PCDHA4: variants seen among roughly 807,000 people sequenced by gnomAD.
PCDHA4 encodes protocadherin alpha 4.
In PCDHA4, 49 loss-of-function variants were observed where a neutral mutation model predicts 61.4. The ratio of observed to expected loss-of-function variants is 0.80; its 90% CI spans 0.63 to 1.01. The LOEUF (loss-of-function observed/expected upper bound fraction) is 1.01. Ranked by LOEUF, PCDHA4 falls within the 50% of genes least tolerant of loss-of-function variation. The probability of loss-of-function intolerance (pLI) is 0.00; values close to 1 mark genes in which losing one functional copy is unlikely to be tolerated. For synonymous variants in PCDHA4, 590 were observed against 550.3 expected, an observed-to-expected ratio of 1.07 and a Z score of -1.01; for missense variants, 1,254 against 1,235.8, an observed-to-expected ratio of 1.01 and a Z score of -0.22.
chr5:140,967,044 A>G, intron 1 of PCDHA4: 3 of 1,612,116 alleles, frequency 1.9e-6, no homozygotes, highest in Non-Finnish European at 2.5e-6. Context: ...CTGGAGCTGG[A>G]CCTGACGAGT....
At chr5:140,868,894 G>T in intron 1 of PCDHA4, 6 of 771,428 alleles carry the variant, frequency 7.8e-6, no homozygotes, top group Non-Finnish European at 1.2e-5. Flanking sequence ...TTAGGCGCAA[G>T]GTGTCGCTCT....
rs782153371 is a variant in PCDHA4, at chr5:140,807,406, CCTT to C, written c.222_224del (p.Leu75del). 30 of 1,545,960 alleles carry C rather than the reference CCTT, an allele frequency of 1.9e-5. 3 individuals are homozygous for C. In the Admixed American group the frequency reaches 2.8e-4, roughly 15 times the overall value. On this transcript the variant is annotated inframe_deletion, in exon 1 of 4. Transcript: ENST00000530339. ...GGGTGGCGTCCAAGGGCCGCGGAGG[CCTT>C]CTGGAGGTAAATCTGCAGAATGGCA...
At chr5:140,822,547 A>T (rs61730633) in intron 1 of PCDHA4, 2 of 1,613,680 alleles carry the variant, frequency 1.2e-6, no homozygotes, top group Non-Finnish European at 1.7e-6. Context: ...ACCAAGTGGG[A>T]CATTAGTTAT....
Position 141,009,659 on chromosome 5 carries a change from G to A in PCDHA4, c.2566G>A (p.Gly856Ser), listed in dbSNP as rs781996586. 3.0e-5 allele frequency: 48 copies of A among 1,613,808 alleles called. No individual in the cohort carries two copies. Among genetic ancestry groups the A allele is most frequent in the East Asian group, 4.5e-5 (2 of 44,878 alleles). The change falls in exon 4 of 4, where the codon GGT becomes AGT. Residue 856 changes from glycine (G) to serine (S), a missense_variant. Coordinates refer to ENST00000530339, the MANE Select transcript of PCDHA4 (RefSeq NM_018907.4). ...GGCAGGAGAAGTGTCCCCTCCAGTC[G>A]GTGCGGGTGTCAACAGCAACAGCTG... is the stretch of plus-strand genomic sequence containing the variant. ...PEAGEVSPPV[G>S]AGVNSNSWTF...
At chr5:140,869,288 G>C (rs950790626) in intron 1 of PCDHA4, 2 of 1,613,578 alleles carry the variant, frequency 1.2e-6, no homozygotes, top group South Asian at 1.1e-5. Flanking sequence ...CTGGTGCAGC[G>C]CCTGTTCCGG....
chr5:140,826,791 G>A (rs1434779274), intron 1 of PCDHA4, among the ~76,000 whole-genome samples: 2 of 152,138 alleles, frequency 1.3e-5, no homozygotes, highest in African/African-American at 4.8e-5. Flanking sequence ...CCTGCAAAAA[G>A]TTGATTACCT....
intron 1 of PCDHA4, chr5:140,928,999 G>C: frequency 1.2e-6 from 2 of 1,613,936 alleles, no homozygotes; most frequent in Non-Finnish European, 1.7e-6. Context: ...ACTTTTCTTC[G>C]TGTGTACCAA....
intron 1 of PCDHA4, chr5:140,841,240 A>C: frequency 6.7e-7 from 1 of 1,487,570 alleles, no homozygotes; most frequent in South Asian, 1.4e-5. Flanking sequence ...GATGCAGCGG[A>C]ATTGGATTAA....
chr5:140,823,053 G>T lies in PCDHA4; in HGVS notation c.2385+13481G>T, dbSNP rs150289473. ...CGGTCTATGAGCTGGTGGTGACCGCGCGGGACGGGGGCTCGCCTTCGCTGT... is the reference window on the plus strand; with the variant it reads ...CGGTCTATGAGCTGGTGGTGACCGCTCGGGACGGGGGCTCGCCTTCGCTGT... On this transcript the variant is annotated intron_variant, in intron 1 of 3. Coordinates refer to ENST00000530339, the MANE Select transcript of PCDHA4 (RefSeq NM_018907.4). 1.4e-5 allele frequency: 23 copies of T among 1,614,068 alleles called. No individual in the cohort carries two copies. The African/African-American group carries it at 2.9e-4, about 21-fold the overall frequency.
intron 1 of PCDHA4, among the ~76,000 whole-genome samples, chr5:140,909,861 A>C (rs782745985): frequency 6.6e-6 from 1 of 152,186 alleles, no homozygotes. Context: ...GGTCCCCTGG[A>C]GTCAACGTCA....
At chr5:140,850,239 C>T (rs1275916187) in intron 1 of PCDHA4, 1 of 1,594,010 alleles carries the variant, frequency 6.3e-7, no homozygotes, top group Admixed American at 1.7e-5. Context: ...CGAGATGGTG[C>T]TGCGGTCGGT....
intron 1 of PCDHA4, among the ~76,000 whole-genome samples, chr5:140,941,737 T>A (rs1221306435): frequency 3.9e-5 from 6 of 152,234 alleles, no homozygotes; most frequent in Admixed American, 2.0e-4. Context: ...TTCCCCATTA[T>A]CTTATCAGAT....
intron 1 of PCDHA4, among the ~76,000 whole-genome samples, chr5:140,920,225 G>A (rs80019196): frequency 2.9e-3 from 441 of 151,762 alleles, no homozygotes; most frequent in African/African-American, 0.01. Flanking sequence ...CACATTTATA[G>A]TATTATATAC....
chr5:140,870,413 C>T (rs200037363), intron 1 of PCDHA4: 2 of 1,614,242 alleles, frequency 1.2e-6, no homozygotes, highest in South Asian at 2.2e-5. Flanking sequence ...CTGTGGGCCA[C>T]GGCCAGGGTA....
Position 141,010,368 on chromosome 5 carries a change from C to G in PCDHA4, c.*431C>G, listed in dbSNP as rs368481822. 3,124 of 1,471,046 alleles carry G rather than the reference C, an allele frequency of 2.1e-3. 5 individuals are homozygous for G. Among genetic ancestry groups the G allele is most frequent in the Middle Eastern group, 8.7e-3 (36 of 4,144 alleles). The allele number at this position is 1,471,046 out of a possible 1,614,324, so 91.1% of individuals were successfully genotyped here. A position where few individuals can be genotyped will look rare whatever the true frequency, so the allele number is the denominator to read the frequency against. On this transcript the variant is annotated 3_prime_UTR_variant, in exon 4 of 4. Coordinates refer to ENST00000530339, the MANE Select transcript of PCDHA4 (RefSeq NM_018907.4). ...GGTATGTGTGGCTACCGCGGGTATG[C>G]GAGTGCCAGATATTGGCTGAGACGA...
intron 1 of PCDHA4, among the ~76,000 whole-genome samples, chr5:140,975,592 C>A (rs2096673847): frequency 6.6e-6 from 1 of 152,170 alleles, no homozygotes; most frequent in Non-Finnish European, 1.5e-5. Context: ...TCCCAGAGGG[C>A]AATTTGTTGA....
intron 1 of PCDHA4, among the ~76,000 whole-genome samples, chr5:140,923,204 C>T (rs1175108066): frequency 1.3e-5 from 2 of 151,950 alleles, no homozygotes; most frequent in Non-Finnish European, 2.9e-5. Flanking sequence ...ATTTGGGAGG[C>T]TAAGGTGAAA....
chr5:140,953,851 GC>G (rs1458424600), intron 1 of PCDHA4, among the ~76,000 whole-genome samples: 6 of 152,108 alleles, frequency 3.9e-5, no homozygotes, highest in African/African-American at 1.2e-4. Context: ...GTAAACATGT[GC>G]CATGGTGGTT....
intron 1 of PCDHA4, chr5:140,870,111 G>A (rs112749867): frequency 6.8e-6 from 11 of 1,613,880 alleles, no homozygotes; most frequent in Non-Finnish European, 9.3e-6. Flanking sequence ...GTACAGTCTG[G>A]GTGGAAATCT....
Sources: gnomAD v4.1 joint callset for allele counts (sites outside exome capture counted in the v4.1 genomes callset) on GRCh38, gnomAD v4.1.1 for gene constraint, MANE v1.5 for transcripts, NCBI Gene and HGNC (gene_info 2026-07-23, HGNC 2026-07-21) for gene names.